The following SYT4 variants were observed in gnomAD, a reference collection of about 807,000 sequenced individuals.
The protein encoded by SYT4 is synaptotagmin 4.
In SYT4, 7 loss-of-function variants were observed where a neutral mutation model predicts 32.9. The ratio of observed to expected loss-of-function variants is 0.21; its 90% confidence interval spans 0.12 to 0.40. The LOEUF is 0.40. SYT4 is among the 10% of genes least tolerant of loss of function. SYT4 has a pLI of 1.00. For missense variants in SYT4, 480 were observed against 488.0 expected (o/e 0.98, Z 0.16); for synonymous variants, 205 against 186.2 (o/e 1.10, Z -0.82).
At position 43,271,704 on chromosome 18, in the gene SYT4, A is replaced by G. The variant is rs1256367366; in HGVS notation, c.970+8T>C. On this transcript the variant is annotated splice_region_variant and intron_variant, in intron 3 of 3. Coordinates refer to ENST00000255224, the MANE Select transcript of SYT4 (RefSeq NM_020783.4). Reference sequence around the variant, plus strand: ...CAGTGAATCTGAATATTTCAGAAGCATTCTTACCTGAAAGTCCGGACACAT... The same window carrying G: ...CAGTGAATCTGAATATTTCAGAAGCGTTCTTACCTGAAAGTCCGGACACAT... The G allele has an allele frequency of 7.4e-6, 12 of 1,612,506 alleles. No individual in the cohort carries two copies. Among genetic ancestry groups the G allele is most frequent in the Non-Finnish European group, 1.0e-5 (12 of 1,178,820 alleles).
At chr18:43,273,157 A>T (rs552421971) in intron 2 of SYT4, among the ~76,000 whole-genome samples, 29 of 152,124 alleles carry the variant, frequency 1.9e-4, no homozygotes, top group African/African-American at 6.5e-4. Flanking sequence ...TACAATTTCC[A>T]AATCTTCAGG....
rs778028277 is a variant in SYT4, at chr18:43,273,707, G to A, written c.722C>T (p.Thr241Ile). ...TQIQELALHF[T>I]ILSFDRFSRD... ...TGAAAACCTGTCAAAACTCAAAATT[G>A]TGAAGTGCAAGGCCAATTCTTGGAT... is the stretch of plus-strand genomic sequence containing the variant. The change falls in exon 2 of 4, where the codon ACA becomes ATA. Residue 241 changes from threonine (T) to isoleucine (I), a missense_variant. Thr to Ile is a moderately conservative substitution (Grantham distance 89, BLOSUM62 -1). Coordinates refer to ENST00000255224, the MANE Select transcript of SYT4 (RefSeq NM_020783.4). 1.1e-5 allele frequency: 17 copies of A among 1,613,840 alleles called. No individual in the cohort carries two copies. The highest frequency in any genetic ancestry group is 8.3e-5 in the Admixed American group (5 of 59,994).
At position 43,270,665 on chromosome 18, in the gene SYT4, C is replaced by T. The variant is rs758479514; in HGVS notation, c.971-17G>A. 5 of 1,610,080 alleles carry T rather than the reference C, an allele frequency of 3.1e-6. No individual in the cohort carries two copies. Among genetic ancestry groups the T allele is most frequent in the African/African-American group, 2.7e-5 (2 of 74,700 alleles). Reference sequence around the variant, plus strand: ...CATAGGGATCTGCAGTGGAACATAACAGGCATTACAATGGCATAACTGGGC... The same window carrying T: ...CATAGGGATCTGCAGTGGAACATAATAGGCATTACAATGGCATAACTGGGC... On this transcript the variant is annotated splice_polypyrimidine_tract_variant and intron_variant, in intron 3 of 3. Coordinates refer to ENST00000255224, the MANE Select transcript of SYT4 (RefSeq NM_020783.4).
In SYT4 at chr18:43,273,775, A is replaced by G. The variant is rs1598664602; in HGVS notation, c.654T>C (p.Ala218=). ...CATAGAATGTAAAGGTCTCATCAAA[A>G]GCTGGATCCAAGGTTTTTCTCAGCA... The part of the protein sequence containing the change: ...TRVLRKTLDP[A]FDETFTFYGI... Residue 218 remains alanine (A), a synonymous_variant, in exon 2 of 4, where the codon GCT becomes GCC. Coordinates refer to ENST00000255224, the MANE Select transcript of SYT4 (RefSeq NM_020783.4). 6.2e-7 allele frequency: 1 copy of G among 1,613,940 alleles called. No homozygotes were observed. The highest frequency in any genetic ancestry group is 1.3e-5 in the African/African-American group (1 of 74,914).
At chr18:43,273,402 G>T (rs1172678836) in intron 2 of SYT4, among the ~76,000 whole-genome samples, 178 bp downstream of exon 2, 1 of 151,880 alleles carries the variant, frequency 6.6e-6, no homozygotes, top group Non-Finnish European at 1.5e-5. Flanking sequence ...TTCAGTTATG[G>T]ATTAAATTTT....
chr18:43,275,078 G>A (rs1322035823), intron 1 of SYT4, among the ~76,000 whole-genome samples: 1 of 151,986 alleles, frequency 6.6e-6, no homozygotes, highest in Admixed American at 6.6e-5. Context: ...GTCAAACACT[G>A]AATTATACAA....
rs1165359470 is a variant in SYT4 at position 43,274,360 on chromosome 18, T to A, written c.69A>T (p.Ala23=). Residue 23 remains alanine, a synonymous_variant, in exon 2 of 4, where the codon GCA becomes GCT. Transcript: ENST00000255224. ...EIPTVVGIFS[A]FGLVFTVSLF... The stretch of plus-strand genomic sequence containing the variant: ...GAGAGACTGTGAAGACCAGGCCAAA[T>A]GCACTGAAGATCCCCACCACTGTGG... 3.7e-6 allele frequency: 6 copies of A among 1,608,402 alleles called. No homozygotes were observed. Among genetic ancestry groups the A allele is most frequent in the Non-Finnish European group, 5.1e-6 (6 of 1,179,036 alleles).
chr18:43,267,946 A>G lies in SYT4; in HGVS notation c.*2395T>C, dbSNP rs1488532128. 2.0e-5 allele frequency: 3 copies of G among 152,230 alleles called. No homozygotes were observed. Among genetic ancestry groups the G allele is most frequent in the Non-Finnish European group, 2.9e-5 (2 of 68,048 alleles). The allele number at this position is 152,230 out of a possible 1,614,324, so 9.4% of individuals were successfully genotyped here. On this transcript the variant is annotated 3_prime_UTR_variant, in exon 4 of 4. Coordinates refer to ENST00000255224, the MANE Select transcript of SYT4 (RefSeq NM_020783.4). The stretch of plus-strand genomic sequence containing the variant: ...TTACAAACATGGTCTTACAAACATC[A>G]TACAGAGCTGGCACAAAAGAACAGA...
intron 1 of SYT4, 80 bp downstream of exon 1, chr18:43,277,168 G>C: frequency 6.4e-7 from 1 of 1,562,074 alleles, no homozygotes; most frequent in South Asian, 1.2e-5. Context: ...TCAACAACCG[G>C]GCAAAAAATA....
chr18:43,271,600 A>C (rs1908631963), intron 3 of SYT4, 112 bp downstream of exon 3: 1 of 1,374,668 alleles, frequency 7.3e-7, no homozygotes. Context: ...CTTTTATAGC[A>C]GATACATAAG....
In SYT4 at chr18:43,270,527, A is replaced by G; in HGVS notation, c.1092T>C (p.Cys364=). 6.2e-7 allele frequency: 1 copy of G among 1,614,078 alleles called. No homozygotes were observed. The highest frequency in any genetic ancestry group is 8.5e-7 in the Non-Finnish European group (1 of 1,179,994). ...FNELFVFDIP[C]EGLEDISVEF... ...CAACACTTATATCTTCAAGGCCCTC[A>G]CAAGGAATATCAAAGACAAACAGCT... Residue 364 remains cysteine, a synonymous_variant, in exon 4 of 4, where the codon TGT becomes TGC. Transcript: ENST00000255224.
At chr18:43,273,461 T>G (rs1908691589) in intron 2 of SYT4, 119 bp downstream of exon 2, 2 of 644,408 alleles carry the variant, frequency 3.1e-6, no homozygotes, top group Admixed American at 3.1e-5. Flanking sequence ...TAATTAATAA[T>G]AATTAAACAT....
chr18:43,273,651 G>A lies in SYT4; in HGVS notation c.778C>T (p.Pro260Ser), dbSNP rs868695980. Residue 260 changes from proline (P) to serine (S), a missense_variant, in exon 2 of 4, where the codon CCT becomes TCT. Physicochemically the swap from Pro to Ser is moderately conservative, Grantham distance 74. Transcript: ENST00000255224. ...RDDIIGEVLIPLSGIELSEGK... is the reference protein window; with the variant it reads ...RDDIIGEVLISLSGIELSEGK... ...TCAGATAATTCAATTCCCGAGAGAGGAATTAGAACTTCCCCAATGATATCA... is the reference window on the plus strand; with the variant it reads ...TCAGATAATTCAATTCCCGAGAGAGAAATTAGAACTTCCCCAATGATATCA... 3 of 1,613,700 alleles carry A rather than the reference G, an allele frequency of 1.9e-6. No homozygotes were observed. The African/African-American group carries it at 4.0e-5, about 22-fold the overall frequency.
Position 43,270,434 on chromosome 18 carries a change from T to A in SYT4, c.1185A>T (p.Ala395=), listed in dbSNP as rs1226950186. ...GCTCTCCACCAGTTCCTTCTGCTGC[T>A]GCACCCAAGACTAACTGCCCGATTA... ...NEVIGQLVLG[A]AAEGTGGEHW... Residue 395 remains alanine (A), a synonymous_variant, in exon 4 of 4, where the codon GCA becomes GCT. Transcript: ENST00000255224. 6.2e-7 allele frequency: 1 copy of A among 1,613,998 alleles called. No homozygotes were observed.
At chr18:43,272,035 T>C (rs1014169794) in intron 2 of SYT4, 5 of 415,808 alleles carry the variant, frequency 1.2e-5, no homozygotes, top group Admixed American at 4.2e-5. Context: ...TCTTGTGGTC[T>C]TGTTTGGTAC....
Position 43,273,907 on chromosome 18 carries a change from G to C in SYT4, c.522C>G (p.Ile174Met), listed in dbSNP as rs1273457282. The C allele has an allele frequency of 6.2e-7, 1 of 1,613,900 alleles. No individual in the cohort carries two copies. Among genetic ancestry groups the C allele is most frequent in the Non-Finnish European group, 8.5e-7 (1 of 1,179,966 alleles). The change falls in exon 2 of 4, where the codon ATC (isoleucine) becomes ATG (methionine). Residue 174 changes from isoleucine to methionine, a missense_variant. Coordinates refer to ENST00000255224, the MANE Select transcript of SYT4 (RefSeq NM_020783.4). ...NFERKAFVVN[I>M]KEARGLPAMD... is the part of the protein sequence containing the mutation. ...TGGCTGGCAAGCCACGGGCTTCCTT[G>C]ATATTGACCACAAATGCTTTTCTCT...
rs1423718781 is a variant in SYT4, at chr18:43,268,932, T to G, written c.*1409A>C. On this transcript the variant is annotated 3_prime_UTR_variant, in exon 4 of 4. Coordinates refer to ENST00000255224, the MANE Select transcript of SYT4 (RefSeq NM_020783.4). ...ACAAAACCTGACTCAAAATGTAAAT[T>G]TTTCAGTAGACTTAATTTCTAACTT... is the stretch of plus-strand genomic sequence containing the variant. 1 of 152,610 alleles carries G rather than the reference T, an allele frequency of 6.6e-6. No homozygotes were observed. Among genetic ancestry groups the G allele is most frequent in the Non-Finnish European group, 1.5e-5 (1 of 68,036 alleles). The allele number at this position is 152,610 out of a possible 1,614,324, so 9.5% of individuals were successfully genotyped here.
chr18:43,277,184 A>C (rs1417331282), intron 1 of SYT4, 64 bp downstream of exon 1: 31 of 1,597,928 alleles, frequency 1.9e-5, no homozygotes, highest in Non-Finnish European at 2.6e-5. Context: ...AAATAAATGA[A>C]TAAACAGTCC....
At chr18:43,275,180 T>G (rs1371562678) in intron 1 of SYT4, among the ~76,000 whole-genome samples, 1 of 152,098 alleles carries the variant, frequency 6.6e-6, no homozygotes, top group Non-Finnish European at 1.5e-5. Flanking sequence ...AACAGTGAGA[T>G]TTAGAGTTCA....
Sources: allele counts gnomAD v4.1 joint callset (sites outside exome capture counted in the v4.1 genomes callset), GRCh38; gene constraint gnomAD v4.1.1; transcripts MANE v1.5; gene names NCBI Gene and HGNC (gene_info 2026-07-23, HGNC 2026-07-21).